Variants in INSR observed in about 807,000 individuals in gnomAD.
INSR encodes IR.
Under a neutral mutation model 142.6 loss-of-function variants are expected in INSR, and 67 were observed. The observed-to-expected ratio is 0.47, with a 90% CI of 0.39 to 0.58. The LOEUF is 0.58. Ranked by LOEUF, INSR falls within the 20% of genes least tolerant of loss-of-function variation. The pLI is 0.00. For missense variants in INSR, 1,248 were observed against 1,833.2 expected (o/e 0.68, Z 5.83); for synonymous variants, 756 against 743.1 (o/e 1.02, Z -0.28).
At chr19:7,129,604 C>T (rs1200820864) in intron 14 of INSR, among the ~76,000 whole-genome samples, 4 of 152,194 alleles carry the variant, frequency 2.6e-5, no homozygotes, top group South Asian at 2.1e-4. Flanking sequence ...GGATGACAGG[C>T]GTGAGCCAAC....
chr19:7,253,462 TCCTGA>T (rs1038227709), intron 2 of INSR, among the ~76,000 whole-genome samples: 2 of 151,712 alleles, frequency 1.3e-5, no homozygotes, highest in Non-Finnish European at 2.9e-5. Flanking sequence ...GGTCTCGAAC[TCCTGA>T]CCTCAAGTGA....
At chr19:7,172,545 A>C in intron 4 of INSR, 111 bp from the exon 5 acceptor site, 1 of 1,144,578 alleles carries the variant, frequency 8.7e-7, no homozygotes, top group East Asian at 2.3e-5. Flanking sequence ...GGACATACCC[A>C]GCTCAAAACT....
Position 7,166,534 on chromosome 19 carries a change from G to A in INSR, c.1611-130C>T. On this transcript the variant is annotated intron_variant, in intron 7 of 21. Transcript: ENST00000302850. The surrounding 1 kb of genome is among the most constrained non-coding windows in gnomAD (Gnocchi z 4.1). Reference sequence around the variant, plus strand: ...CTCACCCAACAATCTAATGCCACAAGAAAAAATAACTCGGGAACAGCCAAA... The same window carrying A: ...CTCACCCAACAATCTAATGCCACAAAAAAAAATAACTCGGGAACAGCCAAA... The A allele has an allele frequency of 2.0e-6, 2 of 993,740 alleles. No homozygotes were observed. Among genetic ancestry groups the A allele is most frequent in the Admixed American group, 2.1e-5 (1 of 47,226 alleles). The allele number at this position is 993,740 out of a possible 1,614,324, so 61.6% of individuals were successfully genotyped here. A position where few individuals can be genotyped will look rare whatever the true frequency, so the allele number is the denominator to read the frequency against.
chr19:7,269,273 T>A (rs1600113909), intron 1 of INSR, among the ~76,000 whole-genome samples: 2 of 138,206 alleles, frequency 1.4e-5, no homozygotes, highest in African/African-American at 2.7e-5. Context: ...GAAAAAACAA[T>A]AACAACGACA....
intron 1 of INSR, among the ~76,000 whole-genome samples, chr19:7,273,043 G>T (rs1245882202): frequency 1.2e-4 from 19 of 152,144 alleles, no homozygotes; most frequent in Admixed American, 1.2e-3. Flanking sequence ...CTTTGAAGAT[G>T]ATGCAAATAT....
intron 1 of INSR, among the ~76,000 whole-genome samples, chr19:7,284,146 C>A (rs1021310299): frequency 3.9e-5 from 6 of 152,012 alleles, no homozygotes; most frequent in Non-Finnish European, 7.4e-5. Context: ...CTCACTGCAA[C>A]CTTCACCTCC....
Position 7,197,516 on chromosome 19 carries a change from G to GGTGTGTGTGTGT in INSR, c.653-12891_653-12880dup, listed in dbSNP as rs552352795. Among the ~76,000 whole-genome samples the GGTGTGTGTGTGT allele has an allele frequency of 1.2e-3, 87 of 70,928 alleles. 2 individuals carry two copies. Among genetic ancestry groups the GGTGTGTGTGTGT allele is most frequent in the African/African-American group, 4.9e-3 (80 of 16,422 alleles). The allele number at this position is 70,928 out of a possible 152,430, so 46.5% of individuals were successfully genotyped here. On this transcript the variant is annotated intron_variant, in intron 2 of 21. Coordinates refer to ENST00000302850, the MANE Select transcript of INSR (RefSeq NM_000208.4). The stretch of plus-strand genomic sequence containing the variant: ...TGGCAGGTTCCAGAGTGGGAGTGGG[G>GGTGTGTGTGTGT]GTGTGTGTGTGTGTGTGTGTGTGTG...
intron 13 of INSR, among the ~76,000 whole-genome samples, chr19:7,137,127 T>C (rs7256474): frequency 0.15 from 23,273 of 151,872 alleles, 3,491 homozygotes; most frequent in African/African-American, 0.39. Context: ...CCACTGCTCC[T>C]GGCCTAAAAC....
intron 2 of INSR, among the ~76,000 whole-genome samples, chr19:7,227,991 G>A (rs1213410536): frequency 6.6e-6 from 1 of 151,994 alleles, no homozygotes; most frequent in Non-Finnish European, 1.5e-5. Flanking sequence ...AAAAAGGGAG[G>A]GGAGGTAAAT....
At position 7,137,283 on chromosome 19, in the gene INSR, AT is replaced by A. The variant is rs1454447221; in HGVS notation, c.2682+4393del. On this transcript the variant is annotated intron_variant, in intron 13 of 21. Coordinates refer to ENST00000302850, the MANE Select transcript of INSR (RefSeq NM_000208.4). Reference sequence around the variant, plus strand: ...TTTCTAAATTAAAAAAAAAAAAAAAATCCCTCATGCCCAAGCCAATCAGCAT... The same window carrying A: ...TTTCTAAATTAAAAAAAAAAAAAAAACCCTCATGCCCAAGCCAATCAGCAT... 7.5e-3 allele frequency among the ~76,000 whole-genome samples: 949 copies of A among 125,890 alleles called. 27 individuals carry two copies. In the East Asian group the frequency reaches 0.084, roughly 11 times the overall value. The allele number at this position is 125,890 out of a possible 152,430, so 82.6% of individuals were successfully genotyped here.
chr19:7,180,134 G>A (rs2144975575), intron 3 of INSR, among the ~76,000 whole-genome samples: 1 of 152,276 alleles, frequency 6.6e-6, no homozygotes, highest in African/African-American at 2.4e-5. Flanking sequence ...AGCTCCTAAA[G>A]GAGTGTTTTA....
chr19:7,189,486 T>C (rs936291888), intron 2 of INSR, among the ~76,000 whole-genome samples: 1 of 152,112 alleles, frequency 6.6e-6, no homozygotes, highest in Non-Finnish European at 1.5e-5. Flanking sequence ...TTGCAGGACA[T>C]ATGGTGTTGG....
intron 2 of INSR, among the ~76,000 whole-genome samples, chr19:7,194,211 G>A (rs1974675024): frequency 1.3e-5 from 2 of 152,094 alleles, no homozygotes; most frequent in South Asian, 4.1e-4. Context: ...TTGAGGTCAG[G>A]AGTTCGAGAC....
intron 1 of INSR, among the ~76,000 whole-genome samples, chr19:7,283,150 G>A (rs1356306083): frequency 6.6e-6 from 1 of 151,978 alleles, no homozygotes; most frequent in Non-Finnish European, 1.5e-5. Flanking sequence ...CTGTGATTGC[G>A]CCACTGCACT....
At chr19:7,250,600 G>GGGAGGGAAGGAAGGAAGGAA (rs1568218256) in intron 2 of INSR, among the ~76,000 whole-genome samples, 1 of 130,962 alleles carries the variant, frequency 7.6e-6, no homozygotes, top group African/African-American at 2.9e-5. Context: ...GAAGGAAGGA[G>GGGAGGGAAGGAAGGAAGGAA]AGGAGGGAGG....
At chr19:7,189,737 C>T (rs1193776055) in intron 2 of INSR, among the ~76,000 whole-genome samples, 1 of 151,352 alleles carries the variant, frequency 6.6e-6, no homozygotes, top group Non-Finnish European at 1.5e-5. Flanking sequence ...CATCTCCGCT[C>T]ACTGTAAACT....
chr19:7,223,203 A>C (rs1360758032), intron 2 of INSR, among the ~76,000 whole-genome samples: 4 of 152,184 alleles, frequency 2.6e-5, no homozygotes, highest in Admixed American at 6.6e-5. Flanking sequence ...AAACAAAAAA[A>C]ACCAACTGGC....
At chr19:7,144,531 G>A (rs915572353) in intron 11 of INSR, among the ~76,000 whole-genome samples, 1 of 152,076 alleles carries the variant, frequency 6.6e-6, no homozygotes, top group Non-Finnish European at 1.5e-5. Context: ...AGCCTCCTGA[G>A]TAGCTGGGAT....
At chr19:7,188,870 CAAAAAA>C (rs10549803) in intron 2 of INSR, among the ~76,000 whole-genome samples, 2 of 71,822 alleles carry the variant, frequency 2.8e-5, no homozygotes, top group Non-Finnish European at 5.4e-5. Flanking sequence ...GACTCTATCT[CAAAAAA>C]AAAAAAAAAA....
Sources: gnomAD v4.1 joint callset for allele counts (sites outside exome capture counted in the v4.1 genomes callset) on GRCh38, gnomAD v4.1.1 for gene constraint, Gnocchi (gnomAD v3.1) non-coding constraint, MANE v1.5 for transcripts, NCBI Gene and HGNC (gene_info 2026-07-23, HGNC 2026-07-21) for gene names.